Variants in PPM1E observed in about 807,000 individuals in gnomAD.
PPM1E encodes protein phosphatase 1E.
A neutral mutation model predicts 65.9 loss-of-function variants in PPM1E; 20 were observed. The ratio of observed to expected loss-of-function variants is 0.30; its 90% confidence interval spans 0.21 to 0.44. The LOEUF is 0.44. PPM1E is among the 20% of genes least tolerant of loss of function. PPM1E has a pLI of 1.00. For synonymous variants in PPM1E, 352 were observed against 374.9 expected (o/e 0.94, Z 0.70); for missense variants, 713 against 953.1 (o/e 0.75, Z 3.32).
rs1385836224 is a variant in PPM1E at position 58,982,688 on chromosome 17, G to A, written c.*1657G>A. 8.4e-6 allele frequency: 4 copies of A among 477,354 alleles called. No homozygotes were observed. Among genetic ancestry groups the A allele is most frequent in the Admixed American group, 7.2e-5 (2 of 27,602 alleles). The allele number at this position is 477,354 out of a possible 1,614,324, so 29.6% of individuals were successfully genotyped here. A position where few individuals can be genotyped will look rare whatever the true frequency, so the allele number is the denominator to read the frequency against. The stretch of plus-strand genomic sequence containing the variant: ...TACAGATTTTATTTTTTAAAATTTG[G>A]ATGTAAGTAGAGACTTTCAGTATTT... On this transcript the variant is annotated 3_prime_UTR_variant, in exon 7 of 7. Coordinates refer to ENST00000308249, the MANE Select transcript of PPM1E (RefSeq NM_014906.5).
At chr17:58,961,670 C>G (rs1315349898) in intron 2 of PPM1E, among the ~76,000 whole-genome samples, 1 of 152,116 alleles carries the variant, frequency 6.6e-6, no homozygotes, top group Non-Finnish European at 1.5e-5. Flanking sequence ...CCAGCTCTGT[C>G]CAATAGACAG....
intron 1 of PPM1E, among the ~76,000 whole-genome samples, chr17:58,816,472 A>T (rs1270858755): frequency 6.6e-6 from 1 of 151,332 alleles, no homozygotes; most frequent in African/African-American, 2.4e-5. Context: ...TTGTGTAATC[A>T]TCACCACCAT....
intron 2 of PPM1E, among the ~76,000 whole-genome samples, chr17:58,959,706 T>C (rs1270042087): frequency 6.6e-6 from 1 of 151,402 alleles, no homozygotes; most frequent in African/African-American, 2.4e-5. Context: ...AATATTTGTA[T>C]ATTGAGTACA....
chr17:58,964,628 C>T (rs1225770456), intron 2 of PPM1E, among the ~76,000 whole-genome samples: 4 of 152,086 alleles, frequency 2.6e-5, no homozygotes, highest in South Asian at 2.1e-4. Flanking sequence ...TAGGATCACA[C>T]GCATAGACAG....
chr17:58,849,968 T>C (rs1162459517), intron 1 of PPM1E, among the ~76,000 whole-genome samples: 2 of 152,228 alleles, frequency 1.3e-5, no homozygotes, highest in African/African-American at 2.4e-5. Context: ...TGCTTCTGTA[T>C]TGGGTGCATA....
At chr17:58,891,954 G>A (rs999150560) in intron 1 of PPM1E, among the ~76,000 whole-genome samples, 2 of 146,372 alleles carry the variant, frequency 1.4e-5, no homozygotes, top group African/African-American at 2.5e-5. Flanking sequence ...TCATGTCTCA[G>A]CCACCCAAAT....
Position 58,981,412 on chromosome 17 carries a change from TC to T in PPM1E, c.*382del, listed in dbSNP as rs2031350455. 6.0e-6 allele frequency: 1 copy of T among 166,134 alleles called. No individual in the cohort carries two copies. The highest frequency in any genetic ancestry group is 6.1e-5 in the Admixed American group (1 of 16,348). 10.3% of individuals were successfully genotyped at this position (166,134 alleles called of 1,614,324 possible). On this transcript the variant is annotated 3_prime_UTR_variant, in exon 7 of 7. Transcript: ENST00000308249. ...TGTTGAAATCTCAATGCAGTTGAAA[TC>T]TGGTCTGATGTGCCTAATTTATCTG...
At chr17:58,971,863 C>A (rs184197931) in intron 4 of PPM1E, among the ~76,000 whole-genome samples, 2 of 152,200 alleles carry the variant, frequency 1.3e-5, no homozygotes, top group African/African-American at 4.8e-5. Flanking sequence ...ACATAACCTG[C>A]CATAGTTTTC....
chr17:58,833,786 T>A lies in PPM1E; in HGVS notation c.464+77325T>A, dbSNP rs962370146. 4.6e-5 allele frequency among the ~76,000 whole-genome samples: 7 copies of A among 152,314 alleles called. No homozygotes were observed. The East Asian group carries it at 1.4e-3, about 29-fold the overall frequency. On this transcript the variant is annotated intron_variant, in intron 1 of 6. Transcript: ENST00000308249. The stretch of plus-strand genomic sequence containing the variant: ...ATTCCTGGGTCAAATGGTAGTTCTG[T>A]TTTAAGTTCTTTGAGAAATCTTCAA...
chr17:58,772,638 G>A (rs574375500), intron 1 of PPM1E, among the ~76,000 whole-genome samples: 1 of 152,052 alleles, frequency 6.6e-6, no homozygotes, highest in Admixed American at 6.6e-5. Context: ...ATGTGCAAAG[G>A]CATGGAGATG....
At chr17:58,830,529 A>G (rs2050593217) in intron 1 of PPM1E, among the ~76,000 whole-genome samples, 1 of 151,838 alleles carries the variant, frequency 6.6e-6, no homozygotes, top group African/African-American at 2.4e-5. Flanking sequence ...GATGGTCTCA[A>G]TCTCGTGACC....
intron 1 of PPM1E, among the ~76,000 whole-genome samples, chr17:58,953,236 T>G (rs1401070998): frequency 6.6e-6 from 1 of 152,218 alleles, no homozygotes; most frequent in Non-Finnish European, 1.5e-5. Context: ...AAGGAATACC[T>G]GAAGCTGGGT....
intron 1 of PPM1E, among the ~76,000 whole-genome samples, chr17:58,887,090 C>T (rs1484866695): frequency 1.3e-5 from 2 of 151,346 alleles, no homozygotes; most frequent in African/African-American, 2.4e-5. Flanking sequence ...AACAAAATTA[C>T]TATAGCATTT....
intron 2 of PPM1E, among the ~76,000 whole-genome samples, chr17:58,964,282 T>TACA (rs2030141457): frequency 6.6e-6 from 1 of 152,172 alleles, no homozygotes; most frequent in Non-Finnish European, 1.5e-5. Flanking sequence ...TAGGAGGAAC[T>TACA]TCTAAAATAC....
chr17:58,783,382 G>A (rs1424892254), intron 1 of PPM1E, among the ~76,000 whole-genome samples: 1 of 152,180 alleles, frequency 6.6e-6, no homozygotes. Flanking sequence ...ATGACAAAGG[G>A]AATTTTATTG....
At chr17:58,875,073 C>G (rs115544859) in intron 1 of PPM1E, among the ~76,000 whole-genome samples, 2,305 of 152,098 alleles carry the variant, frequency 0.015, 56 homozygotes, top group African/African-American at 0.052. Context: ...CCTTACTTGG[C>G]TAATTATAAA....
At chr17:58,871,321 T>C (rs1339071140) in intron 1 of PPM1E, among the ~76,000 whole-genome samples, 1 of 152,182 alleles carries the variant, frequency 6.6e-6, no homozygotes, top group Non-Finnish European at 1.5e-5. Flanking sequence ...ATTATAGGCA[T>C]TGAGCCTCCG....
At chr17:58,773,495 A>G (rs909593693) in intron 1 of PPM1E, among the ~76,000 whole-genome samples, 7 of 152,136 alleles carry the variant, frequency 4.6e-5, no homozygotes, top group Admixed American at 4.6e-4. Flanking sequence ...AGGTGGAAGT[A>G]TCATTCCCTC....
chr17:58,863,978 G>C (rs1302448872), intron 1 of PPM1E, among the ~76,000 whole-genome samples: 2 of 151,716 alleles, frequency 1.3e-5, no homozygotes, highest in Non-Finnish European at 2.9e-5. Flanking sequence ...TGGGGAAATG[G>C]GGATGTGAAG....
Sources: allele counts gnomAD v4.1 joint callset (sites outside exome capture counted in the v4.1 genomes callset), GRCh38; gene constraint gnomAD v4.1.1; transcripts MANE v1.5; gene names NCBI Gene and HGNC (gene_info 2026-07-23, HGNC 2026-07-21).